The following KCTD16 variants were observed in gnomAD, a reference collection of about 807,000 sequenced individuals.
KCTD16 encodes potassium channel tetramerization domain containing 16, also known as BTB/POZ domain-containing protein KCTD16.
KCTD16 carries 13 observed loss-of-function variants against 33.2 expected under a neutral mutation model. The observed-to-expected ratio is 0.39, with a 90% confidence interval of 0.25 to 0.62. The LOEUF is 0.62. Among genes scored for constraint, KCTD16 ranks in the 20% least tolerant of loss-of-function variants. The probability of loss-of-function intolerance (pLI) is 0.50; values close to 1 mark genes in which losing one functional copy is unlikely to be tolerated. For synonymous variants in KCTD16, 197 were observed against 195.3 expected (o/e 1.01, Z -0.07); for missense variants, 441 against 525.1 (o/e 0.84, Z 1.57).
intron 2 of KCTD16, among the ~76,000 whole-genome samples, chr5:144,176,943 G>T (rs1752523544): frequency 6.6e-6 from 1 of 152,142 alleles, no homozygotes; most frequent in Non-Finnish European, 1.5e-5. Context: ...TTTGTAACCA[G>T]ATGCATACTT....
chr5:144,294,598 A>T (rs1243727323), intron 3 of KCTD16, among the ~76,000 whole-genome samples: 2 of 152,172 alleles, frequency 1.3e-5, no homozygotes, highest in Non-Finnish European at 2.9e-5. Flanking sequence ...TGTGTTAAAT[A>T]TGCTTGTTCC....
intron 3 of KCTD16, among the ~76,000 whole-genome samples, chr5:144,270,198 T>C (rs1292395166): frequency 6.6e-6 from 1 of 151,948 alleles, no homozygotes; most frequent in Non-Finnish European, 1.5e-5. Flanking sequence ...GTTAGCAGAA[T>C]GAATAAAGAC....
At chr5:144,293,147 T>C (rs1755942090) in intron 3 of KCTD16, among the ~76,000 whole-genome samples, 1 of 152,244 alleles carries the variant, frequency 6.6e-6, no homozygotes, top group African/African-American at 2.4e-5. Flanking sequence ...CTCTGACTGA[T>C]AGCTTTTTCT....
chr5:144,353,133 G>T (rs7727029), intron 3 of KCTD16, among the ~76,000 whole-genome samples: 8,039 of 152,218 alleles, frequency 0.053, 696 homozygotes, highest in African/African-American at 0.18. Flanking sequence ...AAATAGTGTT[G>T]TTCCCAAGGG....
At chr5:144,278,530 G>A (rs1384331926) in intron 3 of KCTD16, among the ~76,000 whole-genome samples, 2 of 120,984 alleles carry the variant, frequency 1.7e-5, no homozygotes, top group Admixed American at 1.2e-4. Context: ...TCGCTCTGTC[G>A]CCCAGGCCGG....
intron 3 of KCTD16, among the ~76,000 whole-genome samples, chr5:144,418,068 G>A (rs1316866639): frequency 6.6e-6 from 1 of 152,152 alleles, no homozygotes; most frequent in African/African-American, 2.4e-5. Context: ...GAGTATTACA[G>A]CTCTTAAAGG....
chr5:144,348,824 C>T (rs370200738), intron 3 of KCTD16, among the ~76,000 whole-genome samples: 10 of 152,224 alleles, frequency 6.6e-5, no homozygotes, highest in East Asian at 1.9e-4. Flanking sequence ...TCTAGTTCAC[C>T]ATCCTGTTTA....
intron 2 of KCTD16, among the ~76,000 whole-genome samples, chr5:144,179,496 T>C (rs1438960554): frequency 2.0e-5 from 3 of 152,174 alleles, no homozygotes; most frequent in Admixed American, 2.0e-4. Flanking sequence ...TGAGTGTATG[T>C]GATTAATAAA....
intron 3 of KCTD16, among the ~76,000 whole-genome samples, chr5:144,436,863 G>C (rs1447266217): frequency 6.6e-6 from 1 of 152,102 alleles, no homozygotes; most frequent in Admixed American, 6.6e-5. Flanking sequence ...CAGGATTATA[G>C]GTGTGAGCTA....
intron 3 of KCTD16, among the ~76,000 whole-genome samples, chr5:144,243,337 C>T (rs73794915): frequency 0.045 from 6,855 of 152,244 alleles, 447 homozygotes; most frequent in African/African-American, 0.15. Flanking sequence ...TCACTATGTG[C>T]AGTCCACACC....
chr5:144,440,082 A>G (rs1010733674), intron 3 of KCTD16, among the ~76,000 whole-genome samples: 3 of 152,194 alleles, frequency 2.0e-5, no homozygotes, highest in Admixed American at 6.5e-5. Context: ...GTCAGAAAAT[A>G]GAACTCGGTT....
intron 3 of KCTD16, among the ~76,000 whole-genome samples, chr5:144,316,588 C>T (rs1367058479): frequency 2.0e-5 from 3 of 148,890 alleles, no homozygotes; most frequent in African/African-American, 7.4e-5. Flanking sequence ...TCTCCACTCA[C>T]TGCAACCTCC....
chr5:144,411,024 T>C (rs1258463942), intron 3 of KCTD16, among the ~76,000 whole-genome samples: 1 of 152,132 alleles, frequency 6.6e-6, no homozygotes, highest in East Asian at 1.9e-4. Context: ...AAAGCACTGA[T>C]GAAAACATAG....
intron 3 of KCTD16, among the ~76,000 whole-genome samples, chr5:144,386,263 C>G (rs142981503): frequency 6.6e-6 from 1 of 152,124 alleles, no homozygotes; most frequent in African/African-American, 2.4e-5. Context: ...TCATGCCTTC[C>G]GAATGGCAGC....
chr5:144,185,474 A>T (rs1752706330), intron 2 of KCTD16, among the ~76,000 whole-genome samples: 2 of 152,020 alleles, frequency 1.3e-5, no homozygotes, highest in Admixed American at 1.3e-4. Context: ...AAATGTTCCC[A>T]AATCACATCT....
chr5:144,461,196 A>G (rs942903040), intron 3 of KCTD16, among the ~76,000 whole-genome samples: 2 of 152,204 alleles, frequency 1.3e-5, no homozygotes, highest in African/African-American at 2.4e-5. Flanking sequence ...TGCATGTCAC[A>G]AAGAATTATT....
intron 3 of KCTD16, among the ~76,000 whole-genome samples, chr5:144,288,970 C>T (rs571493646): frequency 3.9e-5 from 6 of 152,122 alleles, no homozygotes; most frequent in African/African-American, 9.6e-5. Flanking sequence ...GAGCCAGTCG[C>T]GCCATTGCAT....
intron 3 of KCTD16, among the ~76,000 whole-genome samples, chr5:144,424,876 T>C (rs1753289128): frequency 6.6e-6 from 1 of 152,182 alleles, no homozygotes; most frequent in African/African-American, 2.4e-5. Flanking sequence ...GGCAATTAAA[T>C]TTCCCCATAA....
At chr5:144,330,361 C>T (rs1230817656) in intron 3 of KCTD16, among the ~76,000 whole-genome samples, 2 of 143,338 alleles carry the variant, frequency 1.4e-5, no homozygotes, top group African/African-American at 2.6e-5. Context: ...TGCGGTGAGC[C>T]GAGAACATAC....
Sources: allele counts gnomAD v4.1 joint callset (sites outside exome capture counted in the v4.1 genomes callset), GRCh38; gene constraint gnomAD v4.1.1; transcripts MANE v1.5; gene names NCBI Gene and HGNC (gene_info 2026-07-23, HGNC 2026-07-21).